The following KCNK10 variants were observed in gnomAD, a reference collection of about 807,000 sequenced individuals.
KCNK10 encodes potassium two pore domain channel subfamily K member 10.
A neutral mutation model predicts 47.7 loss-of-function variants in KCNK10; 25 were observed. The observed-to-expected ratio is 0.52, with a 90% CI of 0.38 to 0.73. KCNK10 has a LOEUF of 0.73. Among genes scored for constraint, KCNK10 ranks in the 30% least tolerant of loss-of-function variants. KCNK10 has a pLI of 0.00. For missense variants in KCNK10, 563 were observed against 714.5 expected, an observed-to-expected ratio of 0.79 and a Z score of 2.42; for synonymous variants, 303 against 285.6, an observed-to-expected ratio of 1.06 and a Z score of -0.61.
At chr14:88,296,841 G>A (rs760417562) in intron 1 of KCNK10, among the ~76,000 whole-genome samples, 3 of 152,070 alleles carry the variant, frequency 2.0e-5, no homozygotes, top group African/African-American at 4.8e-5. Context: ...CCATTACATC[G>A]GCCAAAGCAT....
At chr14:88,253,606 A>G (rs961324641) in intron 2 of KCNK10, among the ~76,000 whole-genome samples, 10 of 152,192 alleles carry the variant, frequency 6.6e-5, no homozygotes, top group Admixed American at 4.6e-4. Context: ...AAAGGATTAA[A>G]AAAAAAATCC....
intron 1 of KCNK10, among the ~76,000 whole-genome samples, chr14:88,299,205 C>G (rs894910380): frequency 1.3e-5 from 2 of 152,318 alleles, no homozygotes; most frequent in African/African-American, 4.8e-5. Flanking sequence ...CATATAGTAT[C>G]TGGCAAATAC....
At chr14:88,199,555 C>A (rs1885033606) in intron 4 of KCNK10, among the ~76,000 whole-genome samples, 1 of 152,138 alleles carries the variant, frequency 6.6e-6, no homozygotes, top group Non-Finnish European at 1.5e-5. Flanking sequence ...TCTCATGTAG[C>A]CATAAAACAG....
intron 2 of KCNK10, among the ~76,000 whole-genome samples, chr14:88,257,505 C>T (rs139428670): frequency 6.6e-6 from 1 of 152,266 alleles, no homozygotes; most frequent in Admixed American, 6.5e-5. Context: ...GGGATACCCT[C>T]CAACCATGGC....
chr14:88,189,811 C>T (rs575937143), intron 5 of KCNK10, among the ~76,000 whole-genome samples: 31 of 152,314 alleles, frequency 2.0e-4, no homozygotes, highest in African/African-American at 7.2e-4. Context: ...GCAACCTTCC[C>T]TATCACTCGC....
At chr14:88,281,845 TGTG>T in intron 1 of KCNK10, among the ~76,000 whole-genome samples, 1 of 151,758 alleles carries the variant, frequency 6.6e-6, no homozygotes, top group African/African-American at 2.4e-5. Context: ...TGTGTGTGTG[TGTG>T]TGTGTGTTTG....
chr14:88,300,316 C>T (rs1012958521), intron 1 of KCNK10, among the ~76,000 whole-genome samples: 7 of 152,196 alleles, frequency 4.6e-5, no homozygotes, highest in East Asian at 1.9e-4. Flanking sequence ...TTGTGCCACA[C>T]GTCCTTCATC....
At chr14:88,312,510 G>A (rs572259717) in intron 1 of KCNK10, among the ~76,000 whole-genome samples, 1 of 152,148 alleles carries the variant, frequency 6.6e-6, no homozygotes, top group African/African-American at 2.4e-5. Context: ...ACACACACCA[G>A]ACACCCCATT....
At position 88,188,065 on chromosome 14, in the gene KCNK10, C is replaced by G; in HGVS notation, c.913G>C (p.Val305Leu). ...AGGCCAACAAGGATCCAAAACCACA[C>G]TAGGGGCTTATACCACTCCCGATAA... ...INYREWYKPLVWFWILVGLAY... is the reference protein window; with the variant it reads ...INYREWYKPLLWFWILVGLAY... Residue 305 changes from valine (V) to leucine (L), a missense_variant, in exon 6 of 7, where the codon GTG becomes CTG. Coordinates refer to ENST00000319231, the MANE Select transcript of KCNK10 (RefSeq NM_138317.3). 6.2e-7 allele frequency: 1 copy of G among 1,614,220 alleles called. No homozygotes were observed. Among genetic ancestry groups the G allele is most frequent in the South Asian group, 1.1e-5 (1 of 91,084 alleles).
intron 4 of KCNK10, among the ~76,000 whole-genome samples, chr14:88,216,966 C>T (rs777114767): frequency 6.2e-4 from 94 of 152,174 alleles, no homozygotes; most frequent in Middle Eastern, 3.4e-3. Flanking sequence ...ACCAGCCTGG[C>T]CAATATGGTG....
intron 4 of KCNK10, among the ~76,000 whole-genome samples, chr14:88,214,376 G>A (rs1885555010): frequency 6.6e-6 from 1 of 152,198 alleles, no homozygotes; most frequent in Non-Finnish European, 1.5e-5. Flanking sequence ...ATTTCCTCCT[G>A]TTTTTAACAT....
Position 88,213,313 on chromosome 14 carries a change from A to T in KCNK10, c.681+14062T>A, listed in dbSNP as rs554251780. On this transcript the variant is annotated intron_variant, in intron 4 of 6. Transcript: ENST00000319231. ...AAAAAAAAAATTACGATAATTTTTT[A>T]AAAAGTTCTCTATAAGAAGAGAGCA... Among the ~76,000 whole-genome samples the T allele has an allele frequency of 4.6e-5, 7 of 152,346 alleles. No homozygotes were observed. In the East Asian group the frequency reaches 5.8e-4, roughly 13 times the overall value.
chr14:88,235,263 G>T (rs1031318492), intron 3 of KCNK10: 1 of 456,522 alleles, frequency 2.2e-6, no homozygotes, highest in Admixed American at 2.3e-5. Flanking sequence ...GCTGGTCCAG[G>T]AATATCCAGT....
chr14:88,191,018 C>T (rs1391007139), intron 5 of KCNK10, among the ~76,000 whole-genome samples: 1 of 152,144 alleles, frequency 6.6e-6, no homozygotes, highest in Non-Finnish European at 1.5e-5. Context: ...AGGCCGATCA[C>T]ATGAGCCCAA....
chr14:88,306,781 C>G (rs1888211191), intron 1 of KCNK10, among the ~76,000 whole-genome samples: 1 of 152,176 alleles, frequency 6.6e-6, no homozygotes, highest in Non-Finnish European at 1.5e-5. Flanking sequence ...GACATTTCCT[C>G]CATCATATTG....
intron 1 of KCNK10, among the ~76,000 whole-genome samples, chr14:88,266,099 T>C (rs1212435631): frequency 6.6e-6 from 1 of 152,196 alleles, no homozygotes; most frequent in African/African-American, 2.4e-5. Context: ...GCAGGCACCC[T>C]GTCTACCCCT....
At chr14:88,248,450 T>G (rs1434767420) in intron 2 of KCNK10, among the ~76,000 whole-genome samples, 1 of 152,184 alleles carries the variant, frequency 6.6e-6, no homozygotes, top group Non-Finnish European at 1.5e-5. Context: ...CATTTCCAGC[T>G]GGGCATGGTA....
At chr14:88,226,786 A>G (rs1885999974) in intron 4 of KCNK10, among the ~76,000 whole-genome samples, 1 of 152,228 alleles carries the variant, frequency 6.6e-6, no homozygotes, top group South Asian at 2.1e-4. Context: ...CAGAAAGGAA[A>G]AAACCCACTA....
chr14:88,228,872 G>T (rs1886068953), intron 3 of KCNK10, among the ~76,000 whole-genome samples: 1 of 152,094 alleles, frequency 6.6e-6, no homozygotes, highest in African/African-American at 2.4e-5. Flanking sequence ...CCAGGATTTT[G>T]ATTTAAATAT....
Sources: gnomAD v4.1 joint callset for allele counts (sites outside exome capture counted in the v4.1 genomes callset) on GRCh38, gnomAD v4.1.1 for gene constraint, MANE v1.5 for transcripts, NCBI Gene and HGNC (gene_info 2026-07-23, HGNC 2026-07-21) for gene names.